PTPRT: variants seen among roughly 807,000 people sequenced by gnomAD.
The protein encoded by PTPRT is protein tyrosine phosphatase receptor type T, also known as receptor-type tyrosine-protein phosphatase T.
A neutral mutation model predicts 176.8 loss-of-function variants in PTPRT; 56 were observed. That is an observed-to-expected ratio of 0.32 (90% confidence interval 0.26 to 0.40). The LOEUF is 0.40. Among genes scored for constraint, PTPRT ranks in the 10% least tolerant of loss-of-function variants. The pLI is 1.00. For missense variants in PTPRT, 1,540 were observed against 1,908.2 expected (o/e 0.81, Z 3.60); for synonymous variants, 783 against 739.0 (o/e 1.06, Z -0.96).
chr20:42,090,617 T>C (rs990495815), intron 27 of PTPRT, among the ~76,000 whole-genome samples: 4 of 152,208 alleles, frequency 2.6e-5, no homozygotes, highest in Admixed American at 6.5e-5. Context: ...CTGGCTCACA[T>C]AGACATGGAA....
chr20:42,040,821 GA>G, the PTPRT span, among the ~76,000 whole-genome samples: 10 of 152,204 alleles, frequency 6.6e-5, no homozygotes, highest in Admixed American at 1.3e-4. Context: ...CAGAGCTTTA[GA>G]AACACATCAT....
At chr20:42,090,900 G>A (rs983783647) in intron 27 of PTPRT, among the ~76,000 whole-genome samples, 1 of 152,218 alleles carries the variant, frequency 6.6e-6, no homozygotes, top group East Asian at 1.9e-4. Flanking sequence ...CTTCAGCCAA[G>A]AGTCTAGACC....
intron 7 of PTPRT, among the ~76,000 whole-genome samples, chr20:42,502,622 T>G (rs2071772385): frequency 6.6e-6 from 1 of 152,106 alleles, no homozygotes. Flanking sequence ...GGCTTACTCA[T>G]TTTTACTGTC....
At chr20:42,522,385 C>T (rs1021798272) in intron 7 of PTPRT, among the ~76,000 whole-genome samples, 9 of 151,660 alleles carry the variant, frequency 5.9e-5, no homozygotes, top group Non-Finnish European at 8.8e-5. Context: ...ATGTCTTTAA[C>T]GCTTTCTGAA....
At chr20:42,146,954 T>C (rs969868071) in intron 17 of PTPRT, among the ~76,000 whole-genome samples, 9 of 152,336 alleles carry the variant, frequency 5.9e-5, no homozygotes, top group African/African-American at 2.2e-4. Context: ...AACTCCTACA[T>C]GTCCTTCAAA....
At chr20:43,030,020 G>A (rs8125171) in intron 1 of PTPRT, among the ~76,000 whole-genome samples, 57 of 152,258 alleles carry the variant, frequency 3.7e-4, no homozygotes, top group African/African-American at 1.3e-3. Flanking sequence ...TTACTGAATG[G>A]GGAACATTTA....
intron 1 of PTPRT, among the ~76,000 whole-genome samples, chr20:42,998,506 T>C (rs1984353665): frequency 6.6e-6 from 1 of 152,136 alleles, no homozygotes; most frequent in Non-Finnish European, 1.5e-5. Flanking sequence ...CAGAAGATCA[T>C]TGAGAAAAAT....
intron 1 of PTPRT, among the ~76,000 whole-genome samples, chr20:43,129,346 T>C (rs1377884138): frequency 6.6e-6 from 1 of 152,212 alleles, no homozygotes; most frequent in Non-Finnish European, 1.5e-5. Flanking sequence ...AAGAGTCGAA[T>C]TGACAGGCCC....
chr20:43,017,823 C>T (rs547146743), intron 1 of PTPRT, among the ~76,000 whole-genome samples: 23 of 152,332 alleles, frequency 1.5e-4, no homozygotes, highest in African/African-American at 4.8e-4. Context: ...TGAAGTCACA[C>T]GCCATGGATA....
chr20:42,886,859 G>C (rs768483991), intron 1 of PTPRT, among the ~76,000 whole-genome samples: 39 of 152,196 alleles, frequency 2.6e-4, no homozygotes, highest in Non-Finnish European at 4.9e-4. Context: ...TGGAGGAGAA[G>C]TGAACAGGGC....
At chr20:42,871,028 G>A (rs2145823569) in intron 2 of PTPRT, among the ~76,000 whole-genome samples, 1 of 150,608 alleles carries the variant, frequency 6.6e-6, no homozygotes, top group Non-Finnish European at 1.5e-5. Flanking sequence ...TTGGCTCACT[G>A]CAACCTCCAC....
intron 1 of PTPRT, among the ~76,000 whole-genome samples, chr20:43,052,526 A>G (rs1987086861): frequency 6.6e-6 from 1 of 152,236 alleles, no homozygotes; most frequent in African/African-American, 2.4e-5. Flanking sequence ...CACAATTCTG[A>G]ACTTCAATGG....
At chr20:42,130,483 A>C (rs1253006549) in intron 18 of PTPRT, among the ~76,000 whole-genome samples, 1 of 152,190 alleles carries the variant, frequency 6.6e-6, no homozygotes, top group Non-Finnish European at 1.5e-5. Context: ...CTCCCAGTGC[A>C]TGTCATTGGC....
At chr20:42,963,679 T>A (rs551627898) in intron 1 of PTPRT, among the ~76,000 whole-genome samples, 32 of 152,114 alleles carry the variant, frequency 2.1e-4, no homozygotes, top group Middle Eastern at 3.4e-3. Context: ...CATTAACAAC[T>A]GAGAAAATGA....
intron 1 of PTPRT, among the ~76,000 whole-genome samples, chr20:42,907,215 T>C (rs563873377): frequency 1.5e-4 from 23 of 152,064 alleles, no homozygotes; most frequent in Non-Finnish European, 2.8e-4. Flanking sequence ...TTAAATAGTG[T>C]GAAGTGTCCT....
chr20:42,921,935 G>C (rs1437205893), intron 1 of PTPRT, among the ~76,000 whole-genome samples: 2 of 152,060 alleles, frequency 1.3e-5, no homozygotes, highest in African/African-American at 2.4e-5. Context: ...TCTCTTGCTT[G>C]TCTTCCACCT....
chr20:42,141,291 C>T (rs1273922408), intron 18 of PTPRT, among the ~76,000 whole-genome samples: 3 of 152,198 alleles, frequency 2.0e-5, no homozygotes, highest in Admixed American at 2.0e-4. Context: ...GGAGTAGCCC[C>T]GGGCTCCTGT....
chr20:43,052,519 A>G (rs990358042), intron 1 of PTPRT, among the ~76,000 whole-genome samples: 18 of 152,348 alleles, frequency 1.2e-4, no homozygotes, highest in African/African-American at 3.8e-4. Flanking sequence ...ATAATTGCAC[A>G]ATTCTGAACT....
intron 22 of PTPRT, among the ~76,000 whole-genome samples, chr20:42,112,592 A>G (rs542148839): frequency 1.2e-4 from 18 of 152,264 alleles, no homozygotes; most frequent in African/African-American, 4.3e-4. Context: ...AGTGTGCAGT[A>G]CCATTCATGT....
Sources: gnomAD v4.1 joint callset for allele counts (sites outside exome capture counted in the v4.1 genomes callset) on GRCh38, gnomAD v4.1.1 for gene constraint, MANE v1.5 for transcripts, NCBI Gene and HGNC (gene_info 2026-07-23, HGNC 2026-07-21) for gene names.